CCR4: variants seen among roughly 807,000 people sequenced by gnomAD.
CCR4 encodes C-C motif chemokine receptor 4.
In CCR4, 9 loss-of-function variants were observed where a neutral mutation model predicts 17.1. The ratio of observed to expected loss-of-function variants is 0.53; its 90% confidence interval spans 0.32 to 0.92. The LOEUF (loss-of-function observed/expected upper bound fraction) is 0.92. Ranked by LOEUF, CCR4 falls within the 40% of genes least tolerant of loss-of-function variation. The probability of loss-of-function intolerance (pLI) is 0.04; values close to 1 mark genes in which losing one functional copy is unlikely to be tolerated. For missense variants in CCR4, 385 were observed against 433.9 expected (o/e 0.89, Z 1.00); for synonymous variants, 217 against 174.3 (o/e 1.24, Z -1.93).
rs1559366335 is a variant in CCR4, at chr3:32,954,636, T to G, written c.*131T>G. On this transcript the variant is annotated 3_prime_UTR_variant, in exon 2 of 2. Coordinates refer to ENST00000330953, the MANE Select transcript of CCR4 (RefSeq NM_005508.5). ...TTACACCCACAGTGGAAAGACAGCT[T>G]CTCATCCTGCAGGCAGCTTTTTCTC... 4 of 1,030,806 alleles carry G rather than the reference T, an allele frequency of 3.9e-6. No homozygotes were observed. Among genetic ancestry groups the G allele is most frequent in the Non-Finnish European group, 5.4e-6 (4 of 745,412 alleles). The allele number at this position is 1,030,806 out of a possible 1,614,324, so 63.9% of individuals were successfully genotyped here.
chr3:32,952,242 C>A (rs1334382320), intron 1 of CCR4, among the ~76,000 whole-genome samples: 1 of 151,530 alleles, frequency 6.6e-6, no homozygotes, highest in Admixed American at 6.6e-5. Context: ...TTTTCTTTTT[C>A]TTTTCTTTCC....
chr3:32,954,424 C>T lies in CCR4; in HGVS notation c.1002C>T (p.Leu334=). 1.9e-6 allele frequency: 3 copies of T among 1,600,486 alleles called. No homozygotes were observed. Among genetic ancestry groups the T allele is most frequent in the Non-Finnish European group, 1.7e-6 (2 of 1,175,072 alleles). The change falls in exon 2 of 2, where the codon CTC becomes CTT. Residue 334 remains leucine, a synonymous_variant. Transcript: ENST00000330953. Reference sequence around the variant, plus strand: ...TTGTGCTCTGCCAATACTGTGGGCTCCTCCAAATTTACTCTGCTGACACCC... The same window carrying T: ...TTGTGCTCTGCCAATACTGTGGGCTTCTCCAAATTTACTCTGCTGACACCC... ...GLFVLCQYCG[L]LQIYSADTPS...
chr3:32,953,761 T>A lies in CCR4; in HGVS notation c.339T>A (p.Ile113=), dbSNP rs1241530006. ...TTGGGCTAGGTCTGTGCAAGATGAT[T>A]TCCTGGATGTACTTGGTGGGCTTTT... ...WVFGLGLCKM[I]SWMYLVGFYS... The change falls in exon 2 of 2, where the codon ATT becomes ATA. Residue 113 remains isoleucine (I), a synonymous_variant. Transcript: ENST00000330953. 6.2e-7 allele frequency: 1 copy of A among 1,614,136 alleles called. No individual in the cohort carries two copies. Among genetic ancestry groups the A allele is most frequent in the South Asian group, 1.1e-5 (1 of 91,068 alleles).
rs920174176 is a variant in CCR4 at position 32,955,873 on chromosome 3, T to A, written c.*1368T>A. 2.0e-5 allele frequency: 3 copies of A among 152,898 alleles called. No individual in the cohort carries two copies. The highest frequency in any genetic ancestry group is 4.4e-5 in the Non-Finnish European group (3 of 68,050). The allele number at this position is 152,898 out of a possible 1,614,324, so 9.5% of individuals were successfully genotyped here. ...ATCCACCCGCCTCGGCCTCCCAAAG[T>A]GCTGGGATTACAGGTGTGAGCCATC... On this transcript the variant is annotated 3_prime_UTR_variant, in exon 2 of 2. Coordinates refer to ENST00000330953, the MANE Select transcript of CCR4 (RefSeq NM_005508.5).
Position 32,954,671 on chromosome 3 carries a change from A to G in CCR4, c.*166A>G, listed in dbSNP as rs770867629. 82 of 710,142 alleles carry G rather than the reference A, an allele frequency of 1.2e-4. No individual in the cohort carries two copies. Among genetic ancestry groups the G allele is most frequent in the Admixed American group, 1.8e-4 (5 of 27,326 alleles). 44.0% of individuals were successfully genotyped at this position (710,142 alleles called of 1,614,324 possible). ...CAGGCAGCTTTTTCTCTCCCACTAG[A>G]CAAGTCCAGCCTGGCAAGGGTTCAC... On this transcript the variant is annotated 3_prime_UTR_variant, in exon 2 of 2. Transcript: ENST00000330953.
chr3:32,952,583 C>T (rs888036373), intron 1 of CCR4, among the ~76,000 whole-genome samples: 3 of 152,158 alleles, frequency 2.0e-5, no homozygotes, highest in Non-Finnish European at 4.4e-5. Context: ...TCTTGAGAAA[C>T]ACAGTTTGGG....
rs1410091421 is a variant in CCR4, at chr3:32,956,303, A to G, written c.*1798A>G. 1 of 167,110 alleles carries G rather than the reference A, an allele frequency of 6.0e-6. No homozygotes were observed. The highest frequency in any genetic ancestry group is 2.4e-5 in the African/African-American group (1 of 41,466). The allele number at this position is 167,110 out of a possible 1,614,324, so 10.4% of individuals were successfully genotyped here. On this transcript the variant is annotated 3_prime_UTR_variant, in exon 2 of 2. Coordinates refer to ENST00000330953, the MANE Select transcript of CCR4 (RefSeq NM_005508.5). ...AAAGTATGACAATACCTCCTTAATC[A>G]TTTTGAAGTGCCTGCTATCAATTGA...
In CCR4 at chr3:32,955,939, A is replaced by G. The variant is rs1297757740; in HGVS notation, c.*1434A>G. On this transcript the variant is annotated 3_prime_UTR_variant, in exon 2 of 2. Transcript: ENST00000330953. Reference sequence around the variant, plus strand: ...TTTATTTTTTATTTTATTTTATTTTATTTTTGAGATGGAGTCTCACTCTGT... The same window carrying G: ...TTTATTTTTTATTTTATTTTATTTTGTTTTTGAGATGGAGTCTCACTCTGT... 3 of 127,438 alleles carry G rather than the reference A, an allele frequency of 2.4e-5. No homozygotes were observed. The highest frequency in any genetic ancestry group is 3.0e-5 in the African/African-American group (1 of 32,980). The allele number at this position is 127,438 out of a possible 1,614,324, so 7.9% of individuals were successfully genotyped here. A position where few individuals can be genotyped will look rare whatever the true frequency, so the allele number is the denominator to read the frequency against.
At position 32,953,540 on chromosome 3, in the gene CCR4, C is replaced by CT. The variant is rs1559365873; in HGVS notation, c.119dup (p.Phe41LeufsTer35). The CT allele has an allele frequency of 6.2e-7, 1 of 1,614,158 alleles. No individual in the cohort carries two copies. Among genetic ancestry groups the CT allele is most frequent in the Non-Finnish European group, 8.5e-7 (1 of 1,180,040 alleles). ...AGAAGGCATCAAGGCATTTGGGGAG[C>CT]TCTTCCTGCCCCCACTGTATTCCTT... On this transcript the variant is annotated frameshift_variant, in exon 2 of 2. Transcript: ENST00000330953. LOFTEE classifies it high-confidence loss of function.
At chr3:32,952,977 C>T (rs951152742) in intron 1 of CCR4, among the ~76,000 whole-genome samples, 7 of 152,150 alleles carry the variant, frequency 4.6e-5, no homozygotes, top group Admixed American at 1.3e-4. Context: ...ATAAAATACA[C>T]CCAATTGAGA....
rs778086724 is a variant in CCR4, at chr3:32,953,992, G to A, written c.570G>A (p.Lys190=). 2 of 1,614,096 alleles carry A rather than the reference G, an allele frequency of 1.2e-6. No homozygotes were observed. The highest frequency in any genetic ancestry group is 2.2e-5 in the South Asian group (2 of 91,076). The part of the protein sequence containing the change: ...TERNHTYCKT[K]YSLNSTTWKV... Reference sequence around the variant, plus strand: ...GCAACCATACCTACTGCAAAACCAAGTACTCTCTCAACTCCACGACGTGGA... The same window carrying A: ...GCAACCATACCTACTGCAAAACCAAATACTCTCTCAACTCCACGACGTGGA... Residue 190 remains lysine, a synonymous_variant, in exon 2 of 2, where the codon AAG becomes AAA. Coordinates refer to ENST00000330953, the MANE Select transcript of CCR4 (RefSeq NM_005508.5).
intron 1 of CCR4, among the ~76,000 whole-genome samples, chr3:32,952,808 C>T (rs2125706697): frequency 6.6e-6 from 1 of 152,288 alleles, no homozygotes. Context: ...ACCTCTTTAT[C>T]TGCCAATTTA....
intron 1 of CCR4, among the ~76,000 whole-genome samples, chr3:32,952,630 C>T (rs533890774): frequency 1.3e-5 from 2 of 151,952 alleles, no homozygotes; most frequent in South Asian, 2.1e-4. Flanking sequence ...GGGGAGAGAT[C>T]GAATGTGAAT....
Position 32,956,289 on chromosome 3 carries a change from A to G in CCR4, c.*1784A>G, listed in dbSNP as rs571833684. On this transcript the variant is annotated 3_prime_UTR_variant, in exon 2 of 2. Transcript: ENST00000330953. Reference sequence around the variant, plus strand: ...AATTAAGGATTAATAAAGTATGACAATACCTCCTTAATCATTTTGAAGTGC... The same window carrying G: ...AATTAAGGATTAATAAAGTATGACAGTACCTCCTTAATCATTTTGAAGTGC... 1 of 167,198 alleles carries G rather than the reference A, an allele frequency of 6.0e-6. No individual in the cohort carries two copies. The highest frequency in any genetic ancestry group is 6.5e-5 in the Admixed American group (1 of 15,296). The allele number at this position is 167,198 out of a possible 1,614,324, so 10.4% of individuals were successfully genotyped here.
Position 32,954,334 on chromosome 3 carries a change from C to T in CCR4, c.912C>T (p.Tyr304=), listed in dbSNP as rs1159945603. ...ACTGCTGCCTTAATCCCATCATCTA[C>T]TTTTTTCTGGGGGAGAAATTTCGCA... The part of the protein sequence containing the change: ...FVHCCLNPII[Y]FFLGEKFRKY... The change falls in exon 2 of 2, where the codon TAC becomes TAT. Residue 304 remains tyrosine, a synonymous_variant. Transcript: ENST00000330953. 2.5e-6 allele frequency: 4 copies of T among 1,614,086 alleles called. No individual in the cohort carries two copies. The East Asian group carries it at 6.7e-5, about 27-fold the overall frequency.
At position 32,953,945 on chromosome 3, in the gene CCR4, T is replaced by C. The variant is rs1211447603; in HGVS notation, c.523T>C (p.Phe175Leu). Residue 175 changes from phenylalanine to leucine, a missense_variant, in exon 2 of 2, where the codon TTC becomes CTC. Physicochemically the swap from Phe to Leu is conservative, Grantham distance 22 (BLOSUM62 0). Coordinates refer to ENST00000330953, the MANE Select transcript of CCR4 (RefSeq NM_005508.5). ...GTTCGCCTCCCTTCCTGGCTTTCTG[T>C]TCAGCACTTGTTATACTGAGCGCAA... ...AVFASLPGFL[F>L]STCYTERNHT... 1.9e-6 allele frequency: 3 copies of C among 1,614,020 alleles called. No homozygotes were observed. The highest frequency in any genetic ancestry group is 2.5e-6 in the Non-Finnish European group (3 of 1,180,046).
In CCR4 at chr3:32,953,639, A is replaced by G. The variant is rs748045739; in HGVS notation, c.217A>G (p.Met73Val). 8 of 1,613,894 alleles carry G rather than the reference A, an allele frequency of 5.0e-6. No homozygotes were observed. The highest frequency in any genetic ancestry group is 6.8e-6 in the Non-Finnish European group (8 of 1,180,022). Residue 73 changes from methionine (M) to valine (V), a missense_variant, in exon 2 of 2, where the codon ATG becomes GTG. Met to Val is a conservative substitution (Grantham distance 21, BLOSUM62 1). Coordinates refer to ENST00000330953, the MANE Select transcript of CCR4 (RefSeq NM_005508.5). ...GTTCAAATACAAGCGGCTCAGGTCC[A>G]TGACTGATGTGTACCTGCTCAACCT... ...VLFKYKRLRS[M>V]TDVYLLNLAI...
chr3:32,954,061 C>T lies in CCR4; in HGVS notation c.639C>T (p.Ile213=), dbSNP rs1245900238. The change falls in exon 2 of 2, where the codon ATC becomes ATT. Residue 213 remains isoleucine (I), a synonymous_variant. Transcript: ENST00000330953. ...AAATCAACATTCTCGGATTGGTGAT[C>T]CCCTTAGGGATCATGCTGTTTTGCT... ...SLEINILGLV[I]PLGIMLFCYS... 2.5e-6 allele frequency: 4 copies of T among 1,614,026 alleles called. No individual in the cohort carries two copies. Among genetic ancestry groups the T allele is most frequent in the Non-Finnish European group, 3.4e-6 (4 of 1,180,014 alleles).
Position 32,954,457 on chromosome 3 carries a change from A to G in CCR4, c.1035A>G (p.Ser345=). Residue 345 remains serine, a synonymous_variant, in exon 2 of 2, where the codon TCA becomes TCG. Coordinates refer to ENST00000330953, the MANE Select transcript of CCR4 (RefSeq NM_005508.5). ...TTTACTCTGCTGACACCCCCAGCTC[A>G]TCTTACACGCAGTCCACCATGGATC... ...LQIYSADTPS[S]SYTQSTMDHD... is the part of the protein sequence containing the mutation. 1 of 1,574,942 alleles carries G rather than the reference A, an allele frequency of 6.3e-7. No homozygotes were observed. The highest frequency in any genetic ancestry group is 8.6e-7 in the Non-Finnish European group (1 of 1,164,588).
Sources: gnomAD v4.1 joint callset for allele counts (sites outside exome capture counted in the v4.1 genomes callset) on GRCh38, gnomAD v4.1.1 for gene constraint, MANE v1.5 for transcripts, NCBI Gene and HGNC (gene_info 2026-07-23, HGNC 2026-07-21) for gene names.